Variants in HLCS observed in about 807,000 individuals in gnomAD.
HLCS encodes biotin--protein ligase.
A neutral mutation model predicts 75.0 loss-of-function variants in HLCS; 53 were observed. That is an observed-to-expected ratio of 0.71 (90% CI 0.57 to 0.89). The LOEUF is 0.89. Ranked by LOEUF, HLCS falls within the 40% of genes least tolerant of loss-of-function variation. The pLI is 0.00. For missense variants in HLCS, 966 were observed against 1,074.0 expected, an observed-to-expected ratio of 0.90 and a Z score of 1.41; for synonymous variants, 431 against 428.6, an observed-to-expected ratio of 1.01 and a Z score of -0.07.
intron 6 of HLCS, among the ~76,000 whole-genome samples, chr21:36,878,107 G>C (rs975079488): frequency 5.3e-5 from 8 of 151,800 alleles, no homozygotes; most frequent in African/African-American, 1.9e-4. Flanking sequence ...AACTTCTTGA[G>C]CCTGGAAATT....
At chr21:36,874,167 T>C in intron 6 of HLCS, among the ~76,000 whole-genome samples, 1 of 152,254 alleles carries the variant, frequency 6.6e-6, no homozygotes, top group East Asian at 1.9e-4. Context: ...ACACATTTCT[T>C]TCCCCATCGG....
At chr21:36,798,134 G>A (rs3787752) in intron 6 of HLCS, among the ~76,000 whole-genome samples, 20,641 of 152,164 alleles carry the variant, frequency 0.14, 1,754 homozygotes, top group Non-Finnish European at 0.18. Context: ...AAAGGATGGA[G>A]GTAGTAGCGT....
intron 6 of HLCS, among the ~76,000 whole-genome samples, chr21:36,833,614 T>C (rs1328706526): frequency 6.8e-6 from 1 of 146,516 alleles, no homozygotes; most frequent in Non-Finnish European, 1.5e-5. Flanking sequence ...TATATATATA[T>C]TTGATTTGGA....
intron 9 of HLCS, among the ~76,000 whole-genome samples, chr21:36,757,542 A>T (rs1272280342): frequency 6.6e-6 from 1 of 152,168 alleles, no homozygotes; most frequent in Non-Finnish European, 1.5e-5. Context: ...TACTGCAAAA[A>T]CTAAGCAGTA....
intron 6 of HLCS, among the ~76,000 whole-genome samples, chr21:36,823,545 T>C (rs904923034): frequency 6.6e-6 from 1 of 151,818 alleles, no homozygotes; most frequent in African/African-American, 2.4e-5. Context: ...CACAAATACG[T>C]GTATGTGTGA....
chr21:36,806,288 C>A (rs78818508), intron 6 of HLCS: 7,434 of 152,386 alleles, frequency 0.049, 303 homozygotes, highest in South Asian at 0.18. Context: ...AGCTAGGAGA[C>A]TGGGAACTGT....
intron 6 of HLCS, among the ~76,000 whole-genome samples, chr21:36,814,267 C>T (rs910012392): frequency 2.0e-5 from 3 of 152,188 alleles, no homozygotes; most frequent in East Asian, 1.9e-4. Context: ...CAGGTTTCCT[C>T]CTCCAAAATC....
At chr21:36,834,481 G>T (rs1474694772) in intron 6 of HLCS, among the ~76,000 whole-genome samples, 2 of 152,232 alleles carry the variant, frequency 1.3e-5, no homozygotes, top group South Asian at 2.1e-4. Context: ...TGAGCCCAGG[G>T]GTGGCCGAGC....
intron 6 of HLCS, among the ~76,000 whole-genome samples, chr21:36,818,559 G>A (rs556784798): frequency 6.6e-6 from 1 of 152,270 alleles, no homozygotes; most frequent in African/African-American, 2.4e-5. Context: ...ACATGAAACG[G>A]CAAGGGAAGG....
intron 6 of HLCS, among the ~76,000 whole-genome samples, chr21:36,805,393 G>A (rs1240767948): frequency 2.6e-5 from 4 of 152,166 alleles, no homozygotes; most frequent in African/African-American, 4.8e-5. Context: ...ACGGAGTCCC[G>A]GGCCCGGCTC....
At chr21:36,883,211 G>A (rs1229030959) in intron 6 of HLCS, among the ~76,000 whole-genome samples, 2 of 152,058 alleles carry the variant, frequency 1.3e-5, no homozygotes, top group Non-Finnish European at 2.9e-5. Context: ...ATTTTAAAGG[G>A]GCAGGTGAAA....
chr21:36,975,192 T>C (rs1162174850), intron 1 of HLCS: 1 of 152,128 alleles, frequency 6.6e-6, no homozygotes, highest in Non-Finnish European at 1.5e-5. Context: ...CTGATTTCTC[T>C]TATCTCTGTT....
chr21:36,820,197 G>C (rs1264438490), intron 6 of HLCS, among the ~76,000 whole-genome samples: 1 of 148,090 alleles, frequency 6.8e-6, no homozygotes, highest in East Asian at 1.9e-4. Flanking sequence ...TGGGGACTAG[G>C]GGGCAGGTAG....
At chr21:36,908,498 T>A (rs528450488) in intron 5 of HLCS, among the ~76,000 whole-genome samples, 1 of 152,196 alleles carries the variant, frequency 6.6e-6, no homozygotes, top group Non-Finnish European at 1.5e-5. Context: ...ACAATGGTTT[T>A]GAAAAACAGT....
chr21:36,959,592 T>C (rs2068166026), intron 2 of HLCS, among the ~76,000 whole-genome samples: 1 of 152,130 alleles, frequency 6.6e-6, no homozygotes, highest in East Asian at 1.9e-4. Context: ...AGTGAGAACT[T>C]AGAGTGCTTT....
intron 6 of HLCS, among the ~76,000 whole-genome samples, chr21:36,875,893 G>C (rs1399458362): frequency 6.6e-6 from 1 of 152,220 alleles, no homozygotes; most frequent in African/African-American, 2.4e-5. Context: ...AGCCAGGGCT[G>C]TGACACCCTC....
At chr21:36,868,253 AAGAG>A (rs1173014505) in intron 6 of HLCS, among the ~76,000 whole-genome samples, 3 of 150,378 alleles carry the variant, frequency 2.0e-5, no homozygotes, top group East Asian at 1.9e-4. Context: ...GAAAGAAAGA[AAGAG>A]AGAAGGAAGG....
intron 6 of HLCS, among the ~76,000 whole-genome samples, chr21:36,838,789 G>A (rs2062513544): frequency 6.6e-6 from 1 of 152,040 alleles, no homozygotes; most frequent in African/African-American, 2.4e-5. Context: ...CGGGGGTAGA[G>A]ATTGCAGTGA....
chr21:36,798,274 G>C (rs535178725), intron 6 of HLCS, among the ~76,000 whole-genome samples: 1 of 152,210 alleles, frequency 6.6e-6, no homozygotes, highest in African/African-American at 2.4e-5. Context: ...AGGGAGGTGA[G>C]GACTATGAAT....
Sources: allele counts gnomAD v4.1 joint callset (sites outside exome capture counted in the v4.1 genomes callset), GRCh38; gene constraint gnomAD v4.1.1; transcripts MANE v1.5; gene names NCBI Gene and HGNC (gene_info 2026-07-23, HGNC 2026-07-21).